Variants in LINGO2 observed in about 807,000 individuals in gnomAD.
LINGO2 encodes leucine-rich repeat and immunoglobulin-like domain-containing nogo receptor-interacting protein 2.
Under a neutral mutation model 30.6 loss-of-function variants are expected in LINGO2, and 14 were observed. That is an observed-to-expected ratio of 0.46 (90% CI 0.30 to 0.72). The LOEUF (loss-of-function observed/expected upper bound fraction) is 0.72. LINGO2 is among the 30% of genes least tolerant of loss of function. The pLI is 0.07. For missense variants in LINGO2, 729 were observed against 751.7 expected (o/e 0.97, Z 0.35); for synonymous variants, 317 against 288.5 (o/e 1.10, Z -1.00).
At chr9:28,913,813 C>A in the LINGO2 span, among the ~76,000 whole-genome samples, 1 of 152,104 alleles carries the variant, frequency 6.6e-6, no homozygotes, top group African/African-American at 2.4e-5. Context: ...TTCCTGGACT[C>A]AGCATTGAAA....
chr9:28,825,256 G>C, the LINGO2 span, among the ~76,000 whole-genome samples: 20,107 of 151,922 alleles, frequency 0.13, 1,716 homozygotes, highest in Non-Finnish European at 0.19. Context: ...GACTACAATG[G>C]ATGTCTATAA....
chr9:28,813,123 G>T, the LINGO2 span, among the ~76,000 whole-genome samples: 22 of 150,536 alleles, frequency 1.5e-4, no homozygotes, highest in South Asian at 4.4e-3. Context: ...TGTCTAAAGA[G>T]CACTCCAGAT....
the LINGO2 span, among the ~76,000 whole-genome samples, chr9:29,176,457 C>T: frequency 4.1e-4 from 62 of 152,312 alleles, no homozygotes; most frequent in African/African-American, 1.5e-3. Context: ...TTTACAATCC[C>T]TGTCCCCTAC....
the LINGO2 span, among the ~76,000 whole-genome samples, chr9:28,862,305 G>T: frequency 2.2e-4 from 34 of 151,934 alleles, no homozygotes; most frequent in Non-Finnish European, 4.6e-4. Flanking sequence ...AAGAATTAAA[G>T]GCTAGGAAAT....
the LINGO2 span, among the ~76,000 whole-genome samples, chr9:28,821,238 C>T: frequency 6.6e-6 from 1 of 152,338 alleles, no homozygotes; most frequent in South Asian, 2.1e-4. Context: ...ATATTTAATT[C>T]TTGTTAGACT....
chr9:29,109,418 T>A, the LINGO2 span, among the ~76,000 whole-genome samples: 1 of 142,176 alleles, frequency 7.0e-6, no homozygotes, highest in East Asian at 2.4e-4. Context: ...TACTTATAAA[T>A]CTTTTATTTT....
chr9:27,991,556 G>A (rs1821399966), intron 5 of LINGO2, among the ~76,000 whole-genome samples: 1 of 152,024 alleles, frequency 6.6e-6, no homozygotes, highest in Admixed American at 6.6e-5. Flanking sequence ...TTAGAACACT[G>A]GAGGTGGTTG....
At chr9:29,037,980 T>G in the LINGO2 span, among the ~76,000 whole-genome samples, 1 of 152,042 alleles carries the variant, frequency 6.6e-6, no homozygotes, top group African/African-American at 2.4e-5. Flanking sequence ...GAGCTATGAT[T>G]TGTTGATGTA....
chr9:29,189,721 G>A, the LINGO2 span, among the ~76,000 whole-genome samples: 1 of 152,134 alleles, frequency 6.6e-6, no homozygotes, highest in African/African-American at 2.4e-5. Flanking sequence ...GCCTGGGCAC[G>A]GTTGAGCACT....
chr9:27,997,309 G>T (rs955566032), intron 5 of LINGO2, among the ~76,000 whole-genome samples: 9 of 152,156 alleles, frequency 5.9e-5, no homozygotes, highest in Non-Finnish European at 1.3e-4. Context: ...GTTCTTTGTA[G>T]AATTCAGCAA....
intron 4 of LINGO2, among the ~76,000 whole-genome samples, chr9:28,039,579 C>A (rs967758148): frequency 6.6e-6 from 1 of 151,954 alleles, no homozygotes; most frequent in African/African-American, 2.4e-5. Flanking sequence ...CCATTGAGTA[C>A]ATGTAAGTCT....
At chr9:27,990,403 T>G (rs77628221) in intron 5 of LINGO2, among the ~76,000 whole-genome samples, 7,601 of 151,866 alleles carry the variant, frequency 0.05, 353 homozygotes, top group Admixed American at 0.1. Flanking sequence ...ATTGGATATA[T>G]TTTAGAAATG....
intron 4 of LINGO2, among the ~76,000 whole-genome samples, chr9:28,067,848 G>A (rs1587803515): frequency 6.6e-6 from 1 of 152,136 alleles, no homozygotes; most frequent in Non-Finnish European, 1.5e-5. Flanking sequence ...TAGATACGTT[G>A]GGCATTCTAG....
At chr9:28,883,356 G>C in the LINGO2 span, among the ~76,000 whole-genome samples, 1 of 151,304 alleles carries the variant, frequency 6.6e-6, no homozygotes, top group Admixed American at 6.6e-5. Flanking sequence ...TTAAATTGCT[G>C]TACGTGTTGC....
intron 1 of LINGO2, among the ~76,000 whole-genome samples, chr9:28,630,096 T>C (rs1322696033): frequency 6.6e-6 from 1 of 152,068 alleles, no homozygotes; most frequent in Non-Finnish European, 1.5e-5. Flanking sequence ...ACAAAGGACA[T>C]GAACTCTTCA....
intron 4 of LINGO2, among the ~76,000 whole-genome samples, chr9:28,086,969 C>A (rs1030055883): frequency 6.6e-6 from 1 of 152,116 alleles, no homozygotes; most frequent in African/African-American, 2.4e-5. Flanking sequence ...ATTTTTCCAA[C>A]CTTTGGATCA....
chr9:28,599,756 T>C (rs1825383693), intron 1 of LINGO2, among the ~76,000 whole-genome samples: 1 of 152,136 alleles, frequency 6.6e-6, no homozygotes, highest in Non-Finnish European at 1.5e-5. Context: ...ACTATAAAAA[T>C]GTATACTCAA....
intron 3 of LINGO2, among the ~76,000 whole-genome samples, chr9:28,316,547 C>T (rs1824853410): frequency 6.6e-6 from 1 of 152,018 alleles, no homozygotes; most frequent in African/African-American, 2.4e-5. Flanking sequence ...TTCTATAATA[C>T]AGGTACAATT....
At chr9:28,190,718 C>A (rs189368918) in intron 4 of LINGO2, among the ~76,000 whole-genome samples, 107 of 152,218 alleles carry the variant, frequency 7.0e-4, no homozygotes, top group Admixed American at 4.3e-3. Flanking sequence ...TTTTGTTAAA[C>A]CAGCCCGGAC....
Sources: gnomAD v4.1 joint callset for allele counts (sites outside exome capture counted in the v4.1 genomes callset) on GRCh38, gnomAD v4.1.1 for gene constraint, MANE v1.5 for transcripts, NCBI Gene and HGNC (gene_info 2026-07-23, HGNC 2026-07-21) for gene names.